The following SRP54 variants were observed in gnomAD, a reference collection of about 807,000 sequenced individuals.
The protein encoded by SRP54 is signal recognition particle 54, also known as signal recognition particle subunit SRP54.
SRP54 carries 10 observed loss-of-function variants against 64.8 expected under a neutral mutation model. The observed-to-expected ratio is 0.15, with a 90% confidence interval of 0.10 to 0.26. The LOEUF is 0.26. Ranked by LOEUF, SRP54 falls within the 10% of genes least tolerant of loss-of-function variation. SRP54 has a pLI of 1.00. For missense variants in SRP54, 325 were observed against 613.7 expected, an observed-to-expected ratio of 0.53 and a Z score of 4.97; for synonymous variants, 193 against 185.6, an observed-to-expected ratio of 1.04 and a Z score of -0.32.
intron 7 of SRP54, 48 bp downstream of exon 7, chr14:35,008,879 G>C: frequency 1.1e-6 from 1 of 912,786 alleles, no homozygotes; most frequent in South Asian, 1.8e-5. Context: ...CTTCTTGTCT[G>C]TCAGCTTTTT....
intron 10 of SRP54, among the ~76,000 whole-genome samples, chr14:35,014,308 G>T (rs1010609510): frequency 1.8e-4 from 19 of 103,496 alleles, no homozygotes; most frequent in East Asian, 8.8e-4. Flanking sequence ...ACGGAGTTTC[G>T]CTCTTGTCAC....
Position 34,983,040 on chromosome 14 carries a change from A to T in SRP54, c.-209A>T, listed in dbSNP as rs1019969892. 6.6e-6 allele frequency: 1 copy of T among 152,210 alleles called. No homozygotes were observed. Among genetic ancestry groups the T allele is most frequent in the African/African-American group, 2.4e-5 (1 of 41,408 alleles). The allele number at this position is 152,210 out of a possible 1,614,324, so 9.4% of individuals were successfully genotyped here. On this transcript the variant is annotated 5_prime_UTR_variant, in exon 1 of 16. Coordinates refer to ENST00000216774, the MANE Select transcript of SRP54 (RefSeq NM_003136.4). ...CTCCGTTGGTCTTCCAGCTGGTGGG[A>T]GTTGACGACGTGGTGCTGGGCGTTG...
At chr14:34,994,728 G>C (rs2044039189) in intron 1 of SRP54, among the ~76,000 whole-genome samples, 1 of 151,880 alleles carries the variant, frequency 6.6e-6, no homozygotes, top group African/African-American at 2.4e-5. Flanking sequence ...TTCATACTCA[G>C]TCTTTCCAAT....
At chr14:35,003,575 T>G (rs191521575) in intron 4 of SRP54, among the ~76,000 whole-genome samples, 25,331 of 148,532 alleles carry the variant, frequency 0.17, 2,313 homozygotes, top group East Asian at 0.31. Context: ...TTTTTTGGTT[T>G]TTTTTTTTTT....
chr14:35,028,894 C>G (rs555995616), intron 15 of SRP54, among the ~76,000 whole-genome samples, 167 bp from the exon 16 acceptor site: 6 of 152,256 alleles, frequency 3.9e-5, no homozygotes, highest in Admixed American at 1.3e-4. Flanking sequence ...ATGAAGATAA[C>G]TGGTGATAAT....
At chr14:34,998,998 TG>T (rs56679210) in intron 2 of SRP54, among the ~76,000 whole-genome samples, 35 of 90,010 alleles carry the variant, frequency 3.9e-4, no homozygotes, top group East Asian at 2.3e-3. Context: ...TGTGTGTGTG[TG>T]TGTGTGTGTG....
At position 35,011,497 on chromosome 14, in the gene SRP54, C is replaced by T; in HGVS notation, c.486-12C>T. ...TTGTCGTTTTGTTAAATCATTTGTC[C>T]ATGTTATATAGCTATACAGAAATGG... On this transcript the variant is annotated splice_polypyrimidine_tract_variant and intron_variant, in intron 7 of 15. Coordinates refer to ENST00000216774, the MANE Select transcript of SRP54 (RefSeq NM_003136.4). 1.1e-5 allele frequency: 15 copies of T among 1,414,684 alleles called. No individual in the cohort carries two copies. Among genetic ancestry groups the T allele is most frequent in the Admixed American group, 7.1e-5 (3 of 42,210 alleles). The allele number at this position is 1,414,684 out of a possible 1,614,324, so 87.6% of individuals were successfully genotyped here. A position where few individuals can be genotyped will look rare whatever the true frequency, so the allele number is the denominator to read the frequency against.
At chr14:34,989,819 A>G (rs1427420489) in intron 1 of SRP54, among the ~76,000 whole-genome samples, 3 of 152,176 alleles carry the variant, frequency 2.0e-5, no homozygotes, top group Non-Finnish European at 4.4e-5. Context: ...TTAATATGCT[A>G]GGTTTTTGAA....
rs1034082347 is a variant in SRP54 at position 35,029,351 on chromosome 14, A to G, written c.*199A>G. ...TCCCTTTAATATAAGGGAGAAATAC[A>G]TGGTTTTTGTGGAAATCATTATATG... On this transcript the variant is annotated 3_prime_UTR_variant, in exon 16 of 16. Transcript: ENST00000216774. The G allele has an allele frequency of 2.6e-5, 11 of 428,552 alleles. No homozygotes were observed. Among genetic ancestry groups the G allele is most frequent in the African/African-American group, 1.9e-4 (9 of 48,416 alleles). The allele number at this position is 428,552 out of a possible 1,614,324, so 26.5% of individuals were successfully genotyped here.
chr14:34,998,990 TGTGTGTGTGTGTGTGTGTGTGTGG>T (rs1566645487), intron 2 of SRP54, among the ~76,000 whole-genome samples: 15 of 95,938 alleles, frequency 1.6e-4, no homozygotes, highest in African/African-American at 4.7e-4. Context: ...TGTGTGTGTG[TGTGTGTGTGTGTGTGTGTGTGTGG>T]TTTTTTTTTT....
At chr14:35,002,054 G>T (rs527341615) in intron 4 of SRP54, among the ~76,000 whole-genome samples, 1 of 151,278 alleles carries the variant, frequency 6.6e-6, no homozygotes, top group Non-Finnish European at 1.5e-5. Flanking sequence ...AAAAAAAATT[G>T]ATAAAAATAG....
chr14:35,014,290 T>TTTTTTTTTTTTTTTTTTTTGTTTTTG (rs376712278), intron 10 of SRP54, among the ~76,000 whole-genome samples: 1 of 127,284 alleles, frequency 7.9e-6, no homozygotes, highest in Admixed American at 8.5e-5. Context: ...TTTTTTTTTT[T>TTTTTTTTTTTTTTTTTTTTGTTTTTG]TTTTGAGACG....
At chr14:34,998,994 TG>T (rs1566645502) in intron 2 of SRP54, among the ~76,000 whole-genome samples, 19 of 96,056 alleles carry the variant, frequency 2.0e-4, no homozygotes, top group East Asian at 5.0e-4. Context: ...TGTGTGTGTG[TG>T]TGTGTGTGTG....
intron 11 of SRP54, among the ~76,000 whole-genome samples, chr14:35,016,840 CTTTTCTTTT>C (rs1477265580): frequency 1.4e-5 from 1 of 71,614 alleles, no homozygotes; most frequent in Non-Finnish European, 3.0e-5. Context: ...CCTTTTTTTT[CTTTTCTTTT>C]TTTTTTTTTT....
intron 9 of SRP54, 98 bp downstream of exon 9, chr14:35,013,592 T>A: frequency 7.4e-7 from 1 of 1,344,622 alleles, no homozygotes; most frequent in Non-Finnish European, 1.0e-6. Flanking sequence ...TATGTTTCAA[T>A]AGTGAGCCTA....
At chr14:35,021,511 T>C (rs1476623369) in intron 13 of SRP54, among the ~76,000 whole-genome samples, 1 of 152,100 alleles carries the variant, frequency 6.6e-6, no homozygotes, top group Non-Finnish European at 1.5e-5. Context: ...CGTGTGCCTA[T>C]AGTTCCAGCT....
rs541116687 is a variant in SRP54 at position 34,987,183 on chromosome 14, A to G, written c.-34+3968A>G. On this transcript the variant is annotated intron_variant, in intron 1 of 15. Coordinates refer to ENST00000216774, the MANE Select transcript of SRP54 (RefSeq NM_003136.4). ...AAGGCAGATATTGCAGTGAGCCGAG[A>G]TCTTGCCACTGCACTCTAGCCTGGG... is the stretch of plus-strand genomic sequence containing the variant. Among the ~76,000 whole-genome samples the G allele has an allele frequency of 6.0e-5, 9 of 149,556 alleles. No homozygotes were observed. The East Asian group carries it at 1.6e-3, about 26-fold the overall frequency.
rs561706207 is a variant in SRP54, at chr14:35,019,371, G to A, written c.1156+297G>A. On this transcript the variant is annotated intron_variant, in intron 13 of 15. Coordinates refer to ENST00000216774, the MANE Select transcript of SRP54 (RefSeq NM_003136.4). ...AGGAGAACTCTGAGTCAAATGTGGT[G>A]GAATGCTAGTTTTTAAAGAGTTAAA... 1.5e-5 allele frequency: 3 copies of A among 205,624 alleles called. No homozygotes were observed. The East Asian group carries it at 3.7e-4, about 25-fold the overall frequency. The allele number at this position is 205,624 out of a possible 1,614,324, so 12.7% of individuals were successfully genotyped here.
intron 1 of SRP54, among the ~76,000 whole-genome samples, chr14:34,987,789 A>G (rs1738799): frequency 0.2 from 30,752 of 152,130 alleles, 3,703 homozygotes; most frequent in Non-Finnish European, 0.28. Flanking sequence ...TTGATTTACA[A>G]TTCCCTGATG....
Sources: allele counts gnomAD v4.1 joint callset (sites outside exome capture counted in the v4.1 genomes callset), GRCh38; gene constraint gnomAD v4.1.1; transcripts MANE v1.5; gene names NCBI Gene and HGNC (gene_info 2026-07-23, HGNC 2026-07-21).